The following YBEY variants were observed in gnomAD, a reference collection of about 807,000 sequenced individuals.
The protein encoded by YBEY is endoribonuclease YbeY.
In YBEY, 15 loss-of-function variants were observed where a neutral mutation model predicts 13.5. The observed-to-expected ratio is 1.11, with a 90% CI of 0.75 to 1.72. The LOEUF (loss-of-function observed/expected upper bound fraction) is 1.72, where lower values mean the gene tolerates loss of function less well. Ranked by LOEUF, YBEY falls within the 40% of genes most tolerant of loss-of-function variation. The probability of loss-of-function intolerance (pLI) is 0.00; values close to 1 mark genes in which losing one functional copy is unlikely to be tolerated. For missense variants in YBEY, 244 were observed against 208.4 expected, an observed-to-expected ratio of 1.17 and a Z score of -1.05; for synonymous variants, 101 against 83.1, an observed-to-expected ratio of 1.21 and a Z score of -1.17.
intron 3 of YBEY, chr21:46,291,873 A>C (rs770997244): frequency 4.9e-6 from 5 of 1,024,286 alleles, no homozygotes; most frequent in Non-Finnish European, 5.9e-6. Flanking sequence ...TGCACAGACA[A>C]AACCAATTCA....
chr21:46,297,383 G>A (rs1256802267), intron 4 of YBEY, among the ~76,000 whole-genome samples, 156 bp from the exon 5 acceptor site: 1 of 13,794 alleles, frequency 7.2e-5, no homozygotes, highest in Admixed American at 1.0e-3. Flanking sequence ...TGGTGAAGGT[G>A]CCCGGAGCCG....
chr21:46,302,690 C>T (rs1212974842), downstream of YBEY: 3 of 834,520 alleles, frequency 3.6e-6, no homozygotes, highest in Non-Finnish European at 5.8e-6. Flanking sequence ...GTGCAGGTCC[C>T]CGGGGCAGGC....
chr21:46,299,636 G>A (rs1394453618), downstream of YBEY, among the ~76,000 whole-genome samples: 2 of 152,150 alleles, frequency 1.3e-5, no homozygotes, highest in South Asian at 4.1e-4. Flanking sequence ...TGCCAACCCT[G>A]TGGAGGCTCT....
At chr21:46,302,305 A>T, downstream of YBEY, 1 of 1,342,304 alleles carries the variant, frequency 7.4e-7, no homozygotes, top group South Asian at 1.5e-5. Flanking sequence ...CCCCGCCCCA[A>T]ATTGTGCAAC....
intron 3 of YBEY, among the ~76,000 whole-genome samples, chr21:46,295,769 C>T (rs1033559983): frequency 2.0e-5 from 3 of 152,156 alleles, no homozygotes; most frequent in Non-Finnish European, 4.4e-5. Context: ...GCGCTTGCCT[C>T]GTCCCTCTTA....
At chr21:46,306,148 C>T in the YBEY span, among the ~76,000 whole-genome samples, 2 of 151,618 alleles carry the variant, frequency 1.3e-5, no homozygotes, top group Non-Finnish European at 2.9e-5. Flanking sequence ...TCACAGGGTC[C>T]TTAGAAAGTG....
chr21:46,311,677 A>G, the YBEY span: 2 of 529,726 alleles, frequency 3.8e-6, no homozygotes, highest in Middle Eastern at 1.1e-3. Context: ...CCAACCAACC[A>G]TCCACCCATC....
chr21:46,302,316 C>T (rs1170002271), downstream of YBEY, among the ~76,000 whole-genome samples: 1 of 152,232 alleles, frequency 6.6e-6, no homozygotes, highest in East Asian at 1.9e-4. Flanking sequence ...ATTGTGCAAC[C>T]CATTCCTCAT....
At chr21:46,313,127 G>C in the YBEY span, 1 of 913,102 alleles carries the variant, frequency 1.1e-6, no homozygotes, top group Non-Finnish European at 1.3e-6. Flanking sequence ...AGGACACACC[G>C]TCAGCTCTTG....
At chr21:46,299,836 C>A (rs540697012), downstream of YBEY, among the ~76,000 whole-genome samples, 5 of 152,220 alleles carry the variant, frequency 3.3e-5, no homozygotes, top group South Asian at 1.0e-3. Context: ...CCCCAAAACC[C>A]CTGCCAAGTA....
chr21:46,302,120 G>A, downstream of YBEY: 4 of 1,522,784 alleles, frequency 2.6e-6, no homozygotes, highest in Non-Finnish European at 3.5e-6. Flanking sequence ...TGGCCTGGCA[G>A]CTCGTGGGAC....
chr21:46,286,445 A>G lies in YBEY; in HGVS notation c.-45+30A>G, dbSNP rs17176117. Reference sequence around the variant, plus strand: ...GTCCGGGCGGGTTTTTAGTCTCCCAAGCGAGAGCGTCGCATTCACCCGCGT... The same window carrying G: ...GTCCGGGCGGGTTTTTAGTCTCCCAGGCGAGAGCGTCGCATTCACCCGCGT... On this transcript the variant is annotated intron_variant, in intron 1 of 4. Transcript: ENST00000397701. The G allele has an allele frequency of 0.048, 7,744 of 160,238 alleles. 592 individuals carry two copies. Among genetic ancestry groups the G allele is most frequent in the African/African-American group, 0.17 (7,154 of 41,512 alleles). The allele number at this position is 160,238 out of a possible 1,614,324, so 9.9% of individuals were successfully genotyped here.
At chr21:46,295,654 C>G in intron 3 of YBEY, among the ~76,000 whole-genome samples, 1 of 152,214 alleles carries the variant, frequency 6.6e-6, no homozygotes, top group East Asian at 1.9e-4. Context: ...CTCCCGCACT[C>G]CCTGTGCTGC....
chr21:46,302,457 C>G (rs1019643174), downstream of YBEY: 1 of 1,552,178 alleles, frequency 6.4e-7, no homozygotes, highest in Non-Finnish European at 8.8e-7. Flanking sequence ...TTTCCTTGGC[C>G]TAGGGTTCTG....
At chr21:46,289,673 A>C (rs2081615826) in intron 2 of YBEY, among the ~76,000 whole-genome samples, 1 of 151,708 alleles carries the variant, frequency 6.6e-6, no homozygotes, top group Non-Finnish European at 1.5e-5. Context: ...AAGCTGGTCT[A>C]GAACTCCTGA....
At chr21:46,311,405 T>C in the YBEY span, 1 of 1,110,176 alleles carries the variant, frequency 9.0e-7, no homozygotes, top group East Asian at 2.6e-5. Context: ...CATTTTCCCT[T>C]TCAGTAGATA....
the YBEY span, chr21:46,313,135 T>G: frequency 2.3e-6 from 2 of 869,198 alleles, no homozygotes; most frequent in Non-Finnish European, 2.8e-6. Context: ...CCGTCAGCTC[T>G]TGAGTTGGCC....
chr21:46,299,138 T>C (rs982056130), downstream of YBEY, among the ~76,000 whole-genome samples: 21 of 151,806 alleles, frequency 1.4e-4, no homozygotes, highest in South Asian at 1.2e-3. Context: ...GGCTAATTTT[T>C]GTATTTCTTA....
chr21:46,312,174 G>T, the YBEY span, among the ~76,000 whole-genome samples: 1 of 152,090 alleles, frequency 6.6e-6, no homozygotes, highest in African/African-American at 2.4e-5. Flanking sequence ...CTGAATAAAT[G>T]GTTGAATGGA....
Sources: gnomAD v4.1 joint callset for allele counts (sites outside exome capture counted in the v4.1 genomes callset) on GRCh38, gnomAD v4.1.1 for gene constraint, MANE v1.5 for transcripts, NCBI Gene and HGNC (gene_info 2026-07-23, HGNC 2026-07-21) for gene names.